Variants in AGBL4 observed in about 807,000 individuals in gnomAD.
The protein encoded by AGBL4 is AGBL carboxypeptidase 4.
In AGBL4, 58 loss-of-function variants were observed where a neutral mutation model predicts 66.4. The observed-to-expected ratio is 0.87, with a 90% confidence interval of 0.71 to 1.09. The LOEUF (loss-of-function observed/expected upper bound fraction) is 1.09, where lower values mean the gene tolerates loss of function less well. Ranked by LOEUF, AGBL4 falls within the 50% of genes least tolerant of loss-of-function variation. AGBL4 has a pLI of 0.00. For missense variants in AGBL4, 579 were observed against 631.0 expected (o/e 0.92, Z 0.88); for synonymous variants, 234 against 222.9 (o/e 1.05, Z -0.44).
chr1:48,695,272 C>T (rs1646696777), intron 6 of AGBL4, among the ~76,000 whole-genome samples: 1 of 152,198 alleles, frequency 6.6e-6, no homozygotes, highest in South Asian at 2.1e-4. Context: ...AAGATGCCCA[C>T]ATCAGACTAA....
intron 2 of AGBL4, among the ~76,000 whole-genome samples, chr1:49,766,104 C>T (rs773143743): frequency 2.1e-4 from 32 of 152,244 alleles, no homozygotes; most frequent in African/African-American, 5.8e-4. Flanking sequence ...AAATGCTTTA[C>T]AAAATGAACA....
intron 1 of AGBL4, among the ~76,000 whole-genome samples, chr1:49,874,369 T>C (rs1238691796): frequency 1.3e-5 from 2 of 152,200 alleles, no homozygotes; most frequent in South Asian, 2.1e-4. Context: ...GGGAACTTCT[T>C]AGGGTAATGA....
At chr1:49,794,686 TA>T (rs1207982128) in intron 2 of AGBL4, among the ~76,000 whole-genome samples, 3 of 151,990 alleles carry the variant, frequency 2.0e-5, no homozygotes, top group Admixed American at 2.0e-4. Context: ...GTTTTGATGA[TA>T]AAAGATTTTC....
At chr1:48,743,940 T>A (rs1230056004) in intron 6 of AGBL4, among the ~76,000 whole-genome samples, 1 of 152,200 alleles carries the variant, frequency 6.6e-6, no homozygotes, top group Non-Finnish European at 1.5e-5. Context: ...GAAGTCTCTG[T>A]AGTATCATAA....
chr1:49,222,873 G>T (rs1224493070), intron 4 of AGBL4, among the ~76,000 whole-genome samples: 3 of 152,098 alleles, frequency 2.0e-5, no homozygotes, highest in Non-Finnish European at 4.4e-5. Context: ...TTTGGCAAGG[G>T]TCTAGAGTAC....
intron 4 of AGBL4, among the ~76,000 whole-genome samples, chr1:49,217,954 C>T (rs1649214935): frequency 6.6e-6 from 1 of 152,116 alleles, no homozygotes; most frequent in Non-Finnish European, 1.5e-5. Context: ...GTCATTCATT[C>T]TCTGATGAAC....
At position 49,851,452 on chromosome 1, in the gene AGBL4, C is replaced by A. The variant is rs182850756; in HGVS notation, c.101G>T (p.Gly34Val). 2.6e-4 allele frequency: 403 copies of A among 1,550,520 alleles called. No homozygotes were observed. In the African/African-American group the frequency reaches 5.0e-3, roughly 19 times the overall value. The change falls in exon 2 of 14, where the codon GGC (glycine) becomes GTC (valine). Residue 34 changes from glycine (G) to valine (V), a missense_variant. Physicochemically the swap from Gly to Val is moderately radical, Grantham distance 109 (BLOSUM62 -3). Transcript: ENST00000371839. Reference sequence around the variant, plus strand: ...TCCTTTCTTGGGCTGTCCACAATAGCCAGTTGGAAGCACTATATATTTGCT... The same window carrying A: ...TCCTTTCTTGGGCTGTCCACAATAGACAGTTGGAAGCACTATATATTTGCT... ...NVSKYIVLPTGYCGQPKKGHL... is the reference protein window; with the variant it reads ...NVSKYIVLPTVYCGQPKKGHL...
At chr1:49,243,288 T>C (rs1651382262) in intron 4 of AGBL4, among the ~76,000 whole-genome samples, 1 of 151,610 alleles carries the variant, frequency 6.6e-6, no homozygotes, top group African/African-American at 2.4e-5. Flanking sequence ...ACTATAAATT[T>C]GAGATCTACG....
rs866183520 is a variant in AGBL4, at chr1:49,540,913, C to T, written c.282+156400G>A. On this transcript the variant is annotated intron_variant, in intron 3 of 13. Transcript: ENST00000371839. ...CTTATTAGAGTAATGTTAGTGAAGG[C>T]GGTCCAAGTTTATATATAATAATTG... 9.9e-5 allele frequency among the ~76,000 whole-genome samples: 15 copies of T among 152,190 alleles called. No homozygotes were observed. The Middle Eastern group carries it at 0.017, about 174-fold the overall frequency.
At chr1:49,789,515 T>A (rs1644540780) in intron 2 of AGBL4, among the ~76,000 whole-genome samples, 1 of 152,092 alleles carries the variant, frequency 6.6e-6, no homozygotes, top group Non-Finnish European at 1.5e-5. Flanking sequence ...TGTGCAAAAA[T>A]CACAAGCATT....
intron 6 of AGBL4, among the ~76,000 whole-genome samples, chr1:48,753,201 C>T (rs1652027691): frequency 6.6e-6 from 1 of 152,218 alleles, no homozygotes; most frequent in Non-Finnish European, 1.5e-5. Context: ...TATTTCTGAC[C>T]TCAGAGCCCA....
At chr1:49,687,030 T>C (rs934304291) in intron 3 of AGBL4, among the ~76,000 whole-genome samples, 1 of 152,116 alleles carries the variant, frequency 6.6e-6, no homozygotes. Flanking sequence ...AGTATGTAAG[T>C]CAAAAGCAAA....
intron 4 of AGBL4, among the ~76,000 whole-genome samples, chr1:49,121,483 G>C (rs1645652898): frequency 6.6e-6 from 1 of 152,146 alleles, no homozygotes; most frequent in African/African-American, 2.4e-5. Context: ...GTCTGTTGGA[G>C]TTTGCTGGAG....
intron 3 of AGBL4, among the ~76,000 whole-genome samples, chr1:49,669,614 T>C (rs1285422447): frequency 1.3e-5 from 2 of 152,102 alleles, no homozygotes; most frequent in African/African-American, 4.8e-5. Context: ...CAGAATCTAA[T>C]GTGTATCAGA....
At chr1:49,169,363 A>G (rs1305977960) in intron 4 of AGBL4, among the ~76,000 whole-genome samples, 1 of 152,140 alleles carries the variant, frequency 6.6e-6, no homozygotes, top group Non-Finnish European at 1.5e-5. Context: ...TCCTTGCTGA[A>G]TGGATTACAT....
At chr1:49,795,353 A>T (rs1644703620) in intron 2 of AGBL4, among the ~76,000 whole-genome samples, 1 of 152,068 alleles carries the variant, frequency 6.6e-6, no homozygotes, top group Admixed American at 6.6e-5. Context: ...ATATAGTTTC[A>T]TATAACTCCC....
intron 3 of AGBL4, among the ~76,000 whole-genome samples, chr1:49,661,693 CATCT>C (rs1157715611): frequency 6.6e-6 from 1 of 152,094 alleles, no homozygotes; most frequent in Non-Finnish European, 1.5e-5. Context: ...GAGACACGCA[CATCT>C]ATCAAGTGTT....
At chr1:48,772,334 T>C (rs1358463393) in intron 6 of AGBL4, among the ~76,000 whole-genome samples, 1 of 152,126 alleles carries the variant, frequency 6.6e-6, no homozygotes, top group Non-Finnish European at 1.5e-5. Flanking sequence ...CAAATGTACT[T>C]TGTCCACTCC....
intron 5 of AGBL4, among the ~76,000 whole-genome samples, chr1:48,950,095 T>C (rs1334361884): frequency 6.6e-6 from 1 of 152,086 alleles, no homozygotes; most frequent in African/African-American, 2.4e-5. Flanking sequence ...AATGGCCTCA[T>C]TTATTTATTT....
Sources: allele counts gnomAD v4.1 joint callset (sites outside exome capture counted in the v4.1 genomes callset), GRCh38; gene constraint gnomAD v4.1.1; transcripts MANE v1.5; gene names NCBI Gene and HGNC (gene_info 2026-07-23, HGNC 2026-07-21).